Variants in CCSER1 observed in about 807,000 individuals in gnomAD.
CCSER1 encodes the protein coiled-coil serine rich protein 1.
Under a neutral mutation model 82.0 loss-of-function variants are expected in CCSER1, and 41 were observed. The observed-to-expected ratio is 0.50, with a 90% CI of 0.39 to 0.65. CCSER1 has a LOEUF of 0.65. Among genes scored for constraint, CCSER1 ranks in the 30% least tolerant of loss-of-function variants. CCSER1 has a pLI of 0.00. For missense variants in CCSER1, 1,119 were observed against 1,064.2 expected, an observed-to-expected ratio of 1.05 and a Z score of -0.72; for synonymous variants, 414 against 383.9, an observed-to-expected ratio of 1.08 and a Z score of -0.92.
intron 8 of CCSER1, among the ~76,000 whole-genome samples, chr4:90,868,112 T>C (rs1765970240): frequency 6.6e-6 from 1 of 152,116 alleles, no homozygotes; most frequent in South Asian, 2.1e-4. Flanking sequence ...TGAGATACTT[T>C]GATATAGGCA....
At chr4:91,590,936 T>C (rs1764234433) in intron 10 of CCSER1, among the ~76,000 whole-genome samples, 1 of 152,186 alleles carries the variant, frequency 6.6e-6, no homozygotes, top group Admixed American at 6.6e-5. Context: ...TTTTCTTTCT[T>C]GATATGTATA....
rs556204739 is a variant in CCSER1 at position 90,434,584 on chromosome 4, A to G, written c.1604-33650A>G. The stretch of plus-strand genomic sequence containing the variant: ...TGAGCTGAGAAGGAAATGAAGCACC[A>G]TATTAAAGGCAGAGAGAACAGCTTG... On this transcript the variant is annotated intron_variant, in intron 4 of 10. Coordinates refer to ENST00000509176, the MANE Select transcript of CCSER1 (RefSeq NM_001145065.2). 9.0e-4 allele frequency among the ~76,000 whole-genome samples: 137 copies of G among 152,288 alleles called. 3 individuals are homozygous for G. In the South Asian group the frequency reaches 0.027, roughly 30 times the overall value.
chr4:91,567,739 C>G (rs1762960283), intron 10 of CCSER1, among the ~76,000 whole-genome samples: 1 of 151,698 alleles, frequency 6.6e-6, no homozygotes, highest in Admixed American at 6.6e-5. Flanking sequence ...TTCCTCCATC[C>G]CTTTGAGCCT....
intron 1 of CCSER1, among the ~76,000 whole-genome samples, chr4:90,258,537 T>G (rs1419724007): frequency 6.6e-6 from 1 of 151,990 alleles, no homozygotes; most frequent in Non-Finnish European, 1.5e-5. Flanking sequence ...AATATCAAAG[T>G]GAAATATGTG....
intron 3 of CCSER1, among the ~76,000 whole-genome samples, chr4:90,363,961 C>T (rs1428055201): frequency 6.6e-6 from 1 of 151,838 alleles, no homozygotes; most frequent in Non-Finnish European, 1.5e-5. Context: ...AACAACTTTG[C>T]CTTTTTAGCT....
At chr4:90,550,793 G>A (rs2153640456) in intron 5 of CCSER1, among the ~76,000 whole-genome samples, 1 of 152,136 alleles carries the variant, frequency 6.6e-6, no homozygotes, top group Non-Finnish European at 1.5e-5. Flanking sequence ...AATAATGCTG[G>A]GGGTGGGTGG....
chr4:90,464,773 T>C (rs941258416), intron 4 of CCSER1, among the ~76,000 whole-genome samples: 1 of 152,262 alleles, frequency 6.6e-6, no homozygotes, highest in Non-Finnish European at 1.5e-5. Flanking sequence ...GGCTTGACAC[T>C]GTCTCATGTT....
intron 5 of CCSER1, among the ~76,000 whole-genome samples, chr4:90,551,706 C>CTCTCTCTCTCTCTCTCTCTCTCTCTA: frequency 2.9e-5 from 3 of 104,224 alleles, no homozygotes; most frequent in African/African-American, 1.4e-4. Flanking sequence ...CTCTCTCTCT[C>CTCTCTCTCTCTCTCTCTCTCTCTCTA]TATATATATA....
chr4:90,827,924 G>A (rs2149810599), intron 8 of CCSER1, among the ~76,000 whole-genome samples: 1 of 152,196 alleles, frequency 6.6e-6, no homozygotes, highest in Middle Eastern at 3.4e-3. Context: ...AGAGCCGAGG[G>A]GGAAGGGGAT....
intron 10 of CCSER1, among the ~76,000 whole-genome samples, chr4:91,149,798 A>C (rs1430199525): frequency 6.6e-6 from 1 of 151,930 alleles, no homozygotes; most frequent in Non-Finnish European, 1.5e-5. Flanking sequence ...TAGATGTGTG[A>C]TATGATTTCT....
rs1157250486 is a variant in CCSER1 at position 91,584,030 on chromosome 4, TTGTC to T, written c.2218-14539_2218-14536del. 4.0e-5 allele frequency among the ~76,000 whole-genome samples: 6 copies of T among 151,578 alleles called. No individual in the cohort carries two copies. The East Asian group carries it at 7.7e-4, about 20-fold the overall frequency. On this transcript the variant is annotated intron_variant, in intron 10 of 10. Transcript: ENST00000509176. ...GTTAGCAATCTGCATTCTTTTAAAA[TTGTC>T]TGAGATATTATATAGTAAATTAAAA...
Position 91,033,609 on chromosome 4 carries a change from T to C in CCSER1, c.2173-52341T>C, listed in dbSNP as rs142133211. Among the ~76,000 whole-genome samples the C allele has an allele frequency of 3.3e-3, 509 of 152,258 alleles. 3 individuals are homozygous for C. The highest frequency in any genetic ancestry group is 5.5e-3 in the Non-Finnish European group (374 of 68,018). The stretch of plus-strand genomic sequence containing the variant: ...TCATTTTAAGCCCTGCTCCCAGTTT[T>C]CTACTCACGCTATCATGACCTGTCA... On this transcript the variant is annotated intron_variant, in intron 9 of 10. Coordinates refer to ENST00000509176, the MANE Select transcript of CCSER1 (RefSeq NM_001145065.2).
chr4:90,556,071 C>T (rs1460428180), intron 5 of CCSER1, among the ~76,000 whole-genome samples: 4 of 151,980 alleles, frequency 2.6e-5, no homozygotes, highest in African/African-American at 4.8e-5. Context: ...GGATGTTAAA[C>T]CTTTCTTATG....
intron 10 of CCSER1, among the ~76,000 whole-genome samples, chr4:91,212,414 T>C (rs946183486): frequency 1.3e-5 from 2 of 151,954 alleles, no homozygotes; most frequent in Non-Finnish European, 2.9e-5. Flanking sequence ...ATGCCATCCC[T>C]CAGTGTTTCA....
chr4:91,401,011 A>G (rs1011902402), intron 10 of CCSER1, among the ~76,000 whole-genome samples: 1 of 151,958 alleles, frequency 6.6e-6, no homozygotes, highest in Admixed American at 6.6e-5. Context: ...ATAGTTATTT[A>G]CATTTCTAAT....
intron 8 of CCSER1, among the ~76,000 whole-genome samples, chr4:90,861,476 G>C (rs1158140853): frequency 6.6e-6 from 1 of 151,692 alleles, no homozygotes; most frequent in Non-Finnish European, 1.5e-5. Flanking sequence ...TACATTTTAG[G>C]AGAAATAAGT....
intron 6 of CCSER1, among the ~76,000 whole-genome samples, chr4:90,688,371 A>G (rs6822152): frequency 0.46 from 69,808 of 151,896 alleles, 16,436 homozygotes; most frequent in Middle Eastern, 0.58. Context: ...CATAAAACAC[A>G]AAACACTGTA....
chr4:91,363,355 TTTTG>T (rs367647018), intron 10 of CCSER1, among the ~76,000 whole-genome samples: 2 of 10,602 alleles, frequency 1.9e-4, no homozygotes, highest in South Asian at 2.8e-3. Context: ...GATGGAGATA[TTTTG>T]TGTGTGTGTG....
At chr4:90,650,261 CAAGA>C (rs1022326101) in intron 6 of CCSER1, among the ~76,000 whole-genome samples, 1 of 151,450 alleles carries the variant, frequency 6.6e-6, no homozygotes, top group African/African-American at 2.4e-5. Context: ...AAGAAAGGGT[CAAGA>C]AAGTGAAAAC....
Sources: allele counts gnomAD v4.1 joint callset (sites outside exome capture counted in the v4.1 genomes callset), GRCh38; gene constraint gnomAD v4.1.1; transcripts MANE v1.5; gene names NCBI Gene and HGNC (gene_info 2026-07-23, HGNC 2026-07-21).